The following DLG2 variants were observed in gnomAD, a reference collection of about 807,000 sequenced individuals.
DLG2 encodes disks large homolog 2.
Under a neutral mutation model 132.5 loss-of-function variants are expected in DLG2, and 45 were observed. The ratio of observed to expected loss-of-function variants is 0.34; its 90% CI spans 0.27 to 0.44. DLG2 has a LOEUF of 0.44. Among genes scored for constraint, DLG2 ranks in the 20% least tolerant of loss-of-function variants. DLG2 has a pLI of 1.00. For synonymous variants in DLG2, 424 were observed against 419.6 expected (o/e 1.01, Z -0.13); for missense variants, 1,045 against 1,196.9 (o/e 0.87, Z 1.87).
chr11:85,409,592 G>A (rs1435802519), intron 3 of DLG2, among the ~76,000 whole-genome samples: 1 of 151,736 alleles, frequency 6.6e-6, no homozygotes, highest in African/African-American at 2.4e-5. Context: ...CATTTGTATT[G>A]TAGTCCGGTT....
intron 25 of DLG2, among the ~76,000 whole-genome samples, 175 bp downstream of exon 25, chr11:83,469,026 A>G (rs1161579876): frequency 6.6e-6 from 1 of 152,126 alleles, no homozygotes; most frequent in African/African-American, 2.4e-5. Flanking sequence ...TATTGAAATT[A>G]GAACAAAGAT....
chr11:84,006,000 C>T (rs1038360091), intron 11 of DLG2, among the ~76,000 whole-genome samples: 1 of 151,770 alleles, frequency 6.6e-6, no homozygotes, highest in Non-Finnish European at 1.5e-5. Context: ...GAACATAAAT[C>T]AGTATATCAA....
chr11:84,166,721 CT>C (rs2095674926), intron 8 of DLG2: 2 of 326,744 alleles, frequency 6.1e-6, no homozygotes, highest in South Asian at 5.3e-5. Flanking sequence ...TAATTCACCC[CT>C]AACCATAATC....
At chr11:84,021,859 T>G (rs1427239853) in intron 11 of DLG2, among the ~76,000 whole-genome samples, 1 of 152,078 alleles carries the variant, frequency 6.6e-6, no homozygotes, top group Non-Finnish European at 1.5e-5. Context: ...GCGATTCTCC[T>G]GCCTCAGCCT....
In DLG2 at chr11:84,297,665, C is replaced by T. The variant is rs191548207; in HGVS notation, c.520-46374G>A. The stretch of plus-strand genomic sequence containing the variant: ...ATTCTCACTGTATACAATACATCAT[C>T]TCATGTCTTTGTTTAAAGGAGTCCA... On this transcript the variant is annotated intron_variant, in intron 7 of 27. Transcript: ENST00000376104. Among the ~76,000 whole-genome samples, 129 of 152,156 alleles carry T rather than the reference C, an allele frequency of 8.5e-4. 2 individuals are homozygous for T. The highest frequency in any genetic ancestry group is 7.3e-3 in the Admixed American group (112 of 15,258).
intron 2 of DLG2, among the ~76,000 whole-genome samples, chr11:85,600,769 GATA>G (rs1423683693): frequency 1.3e-5 from 2 of 152,302 alleles, no homozygotes; most frequent in Admixed American, 6.5e-5. Context: ...TACTGAATCA[GATA>G]ATAATTTTTG....
In DLG2 at chr11:85,253,827, G is replaced by A. The variant is rs577592292; in HGVS notation, c.186+31393C>T. 7.2e-5 allele frequency among the ~76,000 whole-genome samples: 11 copies of A among 152,258 alleles called. No individual in the cohort carries two copies. In the South Asian group the frequency reaches 2.1e-3, roughly 29 times the overall value. ...GAAGGGAAAAAAATGCCAAAGGGGA[G>A]CTGAAAAGGGGACAGAGCAGGAAGG... is the stretch of plus-strand genomic sequence containing the variant. On this transcript the variant is annotated intron_variant, in intron 4 of 27. Coordinates refer to ENST00000376104, the MANE Select transcript of DLG2 (RefSeq NM_001142699.3).
At position 85,151,352 on chromosome 11, in the gene DLG2, G is replaced by A. The variant is rs549393837; in HGVS notation, c.282+3204C>T. On this transcript the variant is annotated intron_variant, in intron 5 of 27. Transcript: ENST00000376104. ...TGGTCATTGTTTTCTTTGATGTACA[G>A]AAGTCTTTAAGTTTGATGCAGTACA... 2.0e-5 allele frequency among the ~76,000 whole-genome samples: 3 copies of A among 149,570 alleles called. No homozygotes were observed. The East Asian group carries it at 5.9e-4, about 30-fold the overall frequency.
chr11:83,880,600 C>T (rs1442219248), intron 15 of DLG2, among the ~76,000 whole-genome samples: 1 of 152,086 alleles, frequency 6.6e-6, no homozygotes, highest in Non-Finnish European at 1.5e-5. Flanking sequence ...TAGACAGACT[C>T]TGGTGTTAGG....
At chr11:83,638,784 G>A (rs1449257899) in intron 18 of DLG2, among the ~76,000 whole-genome samples, 1 of 152,158 alleles carries the variant, frequency 6.6e-6, no homozygotes, top group Non-Finnish European at 1.5e-5. Context: ...TGGAGTCCAG[G>A]AGAATAATGT....
At position 83,930,679 on chromosome 11, in the gene DLG2, TA is replaced by T. The variant is rs1388290215; in HGVS notation, c.1341-197del. On this transcript the variant is annotated intron_variant, in intron 14 of 27. Coordinates refer to ENST00000376104, the MANE Select transcript of DLG2 (RefSeq NM_001142699.3). Reference sequence around the variant, plus strand: ...TTTATTCCTCAGACTCTTCTGTGGGTAAAAGTGGCCCCATGAAAATGTTCAG... The same window carrying T: ...TTTATTCCTCAGACTCTTCTGTGGGTAAAGTGGCCCCATGAAAATGTTCAG... 3.9e-5 allele frequency among the ~76,000 whole-genome samples: 6 copies of T among 152,296 alleles called. No homozygotes were observed. In the East Asian group the frequency reaches 1.2e-3, roughly 29 times the overall value.
chr11:84,628,394 C>A (rs2099626340), intron 6 of DLG2, among the ~76,000 whole-genome samples: 1 of 152,192 alleles, frequency 6.6e-6, no homozygotes, highest in Admixed American at 6.5e-5. Context: ...TTTACAATCT[C>A]TGCCCTTGAG....
chr11:85,528,549 G>A (rs186653955), intron 3 of DLG2, among the ~76,000 whole-genome samples: 1 of 152,258 alleles, frequency 6.6e-6, no homozygotes. Flanking sequence ...AGAGTAAACT[G>A]GTACAACACT....
At chr11:84,978,821 A>C (rs1378874970) in intron 6 of DLG2, among the ~76,000 whole-genome samples, 7 of 152,202 alleles carry the variant, frequency 4.6e-5, no homozygotes, top group African/African-American at 1.7e-4. Context: ...AATGGGATCT[A>C]ATTAAACTAA....
At chr11:84,648,699 C>T (rs2099677821) in intron 6 of DLG2, among the ~76,000 whole-genome samples, 1 of 151,872 alleles carries the variant, frequency 6.6e-6, no homozygotes, top group Non-Finnish European at 1.5e-5. Flanking sequence ...GGCATACCTC[C>T]CTCAACCCCC....
At chr11:84,315,490 G>T (rs938250646) in intron 7 of DLG2, among the ~76,000 whole-genome samples, 3 of 152,102 alleles carry the variant, frequency 2.0e-5, no homozygotes, top group South Asian at 2.1e-4. Flanking sequence ...TCAATACAGA[G>T]ATATAAGCTA....
At chr11:84,749,432 A>T (rs1158212846) in intron 6 of DLG2, among the ~76,000 whole-genome samples, 1 of 152,216 alleles carries the variant, frequency 6.6e-6, no homozygotes. Context: ...TCATAAGATT[A>T]TAATACCATA....
intron 9 of DLG2, among the ~76,000 whole-genome samples, chr11:84,122,130 GGCCAA>G (rs2093953123): frequency 6.6e-6 from 1 of 151,674 alleles, no homozygotes; most frequent in South Asian, 2.1e-4. Context: ...AGACCAGCCT[GGCCAA>G]CATAGTGAAA....
At chr11:84,340,314 T>G (rs1028444926) in intron 7 of DLG2, among the ~76,000 whole-genome samples, 2 of 152,156 alleles carry the variant, frequency 1.3e-5, no homozygotes, top group African/African-American at 4.8e-5. Context: ...TAGGTCTGCA[T>G]GCACTGTATT....
Sources: gnomAD v4.1 joint callset for allele counts (sites outside exome capture counted in the v4.1 genomes callset) on GRCh38, gnomAD v4.1.1 for gene constraint, MANE v1.5 for transcripts, NCBI Gene and HGNC (gene_info 2026-07-23, HGNC 2026-07-21) for gene names.